FST: variants seen among roughly 807,000 people sequenced by gnomAD.
The protein encoded by FST is follistatin.
A neutral mutation model predicts 38.4 loss-of-function variants in FST; 6 were observed. The observed-to-expected ratio is 0.16, with a 90% CI of 0.09 to 0.31. The LOEUF (loss-of-function observed/expected upper bound fraction) is 0.31, where lower values mean the gene tolerates loss of function less well. FST is among the 10% of genes least tolerant of loss of function. The probability of loss-of-function intolerance (pLI) is 1.00; values close to 1 mark genes in which losing one functional copy is unlikely to be tolerated. For missense variants in FST, 301 were observed against 432.3 expected (o/e 0.70, Z 2.69); for synonymous variants, 157 against 169.8 (o/e 0.92, Z 0.59).
chr5:53,483,792 C>T lies in FST; in HGVS notation c.496+70C>T. On this transcript the variant is annotated intron_variant, in intron 3 of 5. Transcript: ENST00000256759. This position sits in a 1 kb window ranked among gnomAD's most constrained non-coding sequence, Gnocchi z 4.1. ...CAGCTTTGTACCTAAAGTAGACCCT[C>T]TAGAAGACCCTTGGGGGATGGTGTA... 1 of 1,136,374 alleles carries T rather than the reference C, an allele frequency of 8.8e-7. No homozygotes were observed. Among genetic ancestry groups the T allele is most frequent in the Non-Finnish European group, 1.3e-6 (1 of 763,424 alleles). 70.4% of individuals were successfully genotyped at this position (1,136,374 alleles called of 1,614,324 possible).
intron 1 of FST, among the ~76,000 whole-genome samples, chr5:53,482,148 G>A (rs1747257207): frequency 1.3e-5 from 2 of 152,238 alleles, no homozygotes; most frequent in African/African-American, 4.8e-5. Context: ...GCCGCGCGGG[G>A]TAGCTCCGGG....
intron 1 of FST, among the ~76,000 whole-genome samples, chr5:53,482,334 C>A (rs1747280497): frequency 6.7e-6 from 1 of 148,754 alleles, no homozygotes; most frequent in African/African-American, 2.5e-5. Flanking sequence ...CTTTCTCTTT[C>A]CTTCTCCCTC....
chr5:53,484,372 A>T, intron 4 of FST, 79 bp downstream of exon 4: 1 of 1,461,788 alleles, frequency 6.8e-7, no homozygotes, highest in Non-Finnish European at 9.3e-7. Flanking sequence ...ACTAATAAGT[A>T]AAGCCCAAGG....
At chr5:53,482,632 C>G (rs967393794) in intron 1 of FST, 20 of 419,354 alleles carry the variant, frequency 4.8e-5, no homozygotes, top group East Asian at 7.9e-5. Context: ...CTCCCTCTCT[C>G]CCTCCCTCCC....
Position 53,480,788 on chromosome 5 carries a change from C to T in FST, c.-4C>T, listed in dbSNP as rs1382013644. 5 of 1,484,668 alleles carry T rather than the reference C, an allele frequency of 3.4e-6. No individual in the cohort carries two copies. The highest frequency in any genetic ancestry group is 4.5e-6 in the Non-Finnish European group (5 of 1,109,562). The allele number at this position is 1,484,668 out of a possible 1,614,324, so 92.0% of individuals were successfully genotyped here. A position where few individuals can be genotyped will look rare whatever the true frequency, so the allele number is the denominator to read the frequency against. On this transcript the variant is annotated 5_prime_UTR_variant, in exon 1 of 6. Transcript: ENST00000256759. ...GCGCTCCTCGCCCCGCGCCTGCCCC[C>T]AGGATGGTCCGCGCGAGGCACCAGC...
chr5:53,485,751 A>G (rs1283208256), intron 5 of FST, 200 bp from the exon 6 acceptor site: 2 of 1,595,558 alleles, frequency 1.3e-6, no homozygotes, highest in East Asian at 2.2e-5. Flanking sequence ...GACTTCATAG[A>G]TTATGCTTTA....
chr5:53,484,391 A>G (rs932615774), intron 4 of FST, 98 bp downstream of exon 4: 3 of 1,252,308 alleles, frequency 2.4e-6, no homozygotes, highest in Admixed American at 2.3e-5. Flanking sequence ...GGCGTCCCCA[A>G]ACACCATAGG....
chr5:53,483,158 T>A lies in FST; in HGVS notation c.277+87T>A. On this transcript the variant is annotated intron_variant, in intron 2 of 5. Transcript: ENST00000256759. This position sits in a 1 kb window ranked among gnomAD's most constrained non-coding sequence, Gnocchi z 4.1. The stretch of plus-strand genomic sequence containing the variant: ...CCACTACCTGACTGGGGTTTGGGAG[T>A]AGGAGAGCTTTGTTCCTGGGCTTCC... 1 of 894,808 alleles carries A rather than the reference T, an allele frequency of 1.1e-6. No individual in the cohort carries two copies. The highest frequency in any genetic ancestry group is 1.8e-6 in the Non-Finnish European group (1 of 557,728). The allele number at this position is 894,808 out of a possible 1,614,324, so 55.4% of individuals were successfully genotyped here. A position where few individuals can be genotyped will look rare whatever the true frequency, so the allele number is the denominator to read the frequency against.
chr5:53,484,911 A>G (rs1310071179), intron 4 of FST, 86 bp from the exon 5 acceptor site: 2 of 686,382 alleles, frequency 2.9e-6, no homozygotes, highest in African/African-American at 3.6e-5. Context: ...AATTATGTTT[A>G]TATTTATTGA....
intron 4 of FST, 119 bp downstream of exon 4, chr5:53,484,412 C>T: frequency 9.6e-7 from 1 of 1,045,382 alleles, no homozygotes; most frequent in Non-Finnish European, 1.4e-6. Flanking sequence ...GAGAAATACG[C>T]TGCAATTTGG....
At chr5:53,484,045 T>C (rs1361902085) in intron 3 of FST, 24 bp from the exon 4 acceptor site, 1 of 1,601,648 alleles carries the variant, frequency 6.2e-7, no homozygotes, top group Non-Finnish European at 8.6e-7. Flanking sequence ...TACCTATTCA[T>C]GTGTGTTTCC....
intron 5 of FST, among the ~76,000 whole-genome samples, chr5:53,485,437 T>A (rs1178743478): frequency 1.3e-5 from 2 of 152,210 alleles, no homozygotes; most frequent in Non-Finnish European, 1.5e-5. Context: ...ATCAATGGGG[T>A]TGCCTCTAGA....
In FST at chr5:53,480,752, C is replaced by T. The variant is rs780422074; in HGVS notation, c.-40C>T. 47 of 978,878 alleles carry T rather than the reference C, an allele frequency of 4.8e-5. 2 individuals are homozygous for T. In the Middle Eastern group the frequency reaches 1.5e-3, roughly 32 times the overall value. The allele number at this position is 978,878 out of a possible 1,614,324, so 60.6% of individuals were successfully genotyped here. A position where few individuals can be genotyped will look rare whatever the true frequency, so the allele number is the denominator to read the frequency against. On this transcript the variant is annotated 5_prime_UTR_variant, in exon 1 of 6. Coordinates refer to ENST00000256759, the MANE Select transcript of FST (RefSeq NM_013409.3). ...GAGCCACCCGCCGCCGCGCCGGCTC[C>T]CCGCGCCGCTGCGCTCCTCGCCCCG...
At position 53,486,026 on chromosome 5, in the gene FST, A is replaced by G. The variant is rs951572828; in HGVS notation, c.1028A>G (p.Glu343Gly). The G allele has an allele frequency of 1.1e-5, 15 of 1,354,288 alleles. No homozygotes were observed. The highest frequency in any genetic ancestry group is 2.7e-5 in the East Asian group (1 of 36,952). The allele number at this position is 1,354,288 out of a possible 1,614,324, so 83.9% of individuals were successfully genotyped here. A position where few individuals can be genotyped will look rare whatever the true frequency, so the allele number is the denominator to read the frequency against. The change falls in exon 6 of 6, where the codon GAG becomes GGG. Residue 343 changes from glutamate (E) to glycine (G), a missense_variant. Transcript: ENST00000256759. The stretch of plus-strand genomic sequence containing the variant: ...AGCTTTCCTATATCTTCTATTCTAG[A>G]GTGGTAAACTCTCTATAAGTGTTCA... ...DYSFPISSIL[E>G]W
chr5:53,481,462 C>CAAAAA (rs70983342), intron 1 of FST, among the ~76,000 whole-genome samples: 5,628 of 47,900 alleles, frequency 0.12, 1,053 homozygotes, highest in South Asian at 0.17. Context: ...CCCATTCTCG[C>CAAAAA]AAAAAAAAAA....
At position 53,483,508 on chromosome 5, in the gene FST, G is replaced by A. The variant is rs1400918690; in HGVS notation, c.282G>A (p.Thr94=). The A allele has an allele frequency of 2.5e-6, 4 of 1,611,748 alleles. No individual in the cohort carries two copies. Among genetic ancestry groups the A allele is most frequent in the Non-Finnish European group, 3.4e-6 (4 of 1,177,984 alleles). ...GAPNCIPCKE[T]CENVDCGPGK... ...ATGCCTGTTTCTAACTCACAGAAACGTGTGAGAACGTGGACTGTGGACCTG... is the reference window on the plus strand; with the variant it reads ...ATGCCTGTTTCTAACTCACAGAAACATGTGAGAACGTGGACTGTGGACCTG... Residue 94 remains threonine (T), a synonymous_variant, in exon 3 of 6, where the codon ACG becomes ACA. Coordinates refer to ENST00000256759, the MANE Select transcript of FST (RefSeq NM_013409.3). The surrounding 1 kb of genome is among the most constrained non-coding windows in gnomAD (Gnocchi z 4.1).
chr5:53,483,055 C>G lies in FST; in HGVS notation c.261C>G (p.Asn87Lys). The change falls in exon 2 of 6, where the codon AAC (asparagine) becomes AAG (lysine). Residue 87 changes from asparagine to lysine, a missense_variant. Physicochemically the swap from Asn to Lys is moderately conservative, Grantham distance 94. Transcript: ENST00000256759. This position sits in a 1 kb window ranked among gnomAD's most constrained non-coding sequence, Gnocchi z 4.1. Reference protein sequence around the residue: ...KWMIFNGGAPNCIPCKETCEN... With the variant: ...KWMIFNGGAPKCIPCKETCEN... ...TGATTTTCAACGGGGGCGCCCCCAA[C>G]TGCATCCCCTGTAAAGGTAGGACTC... The G allele has an allele frequency of 6.2e-7, 1 of 1,612,228 alleles. No homozygotes were observed. The highest frequency in any genetic ancestry group is 8.5e-7 in the Non-Finnish European group (1 of 1,178,482).
rs3083659 is a variant in FST, at chr5:53,486,072, C to CAAAAAAAAAAAAA, written c.*48_*60dup. ...GTTCAGTGTTGACATAGCCTTTGTG[C>CAAAAAAAAAAAAA]AAAAAAAAAAAAAAAAAAAAAGAAA... On this transcript the variant is annotated 3_prime_UTR_variant, in exon 6 of 6. Transcript: ENST00000256759. 1.2e-4 allele frequency: 31 copies of CAAAAAAAAAAAAA among 266,680 alleles called. No individual in the cohort carries two copies. The highest frequency in any genetic ancestry group is 2.8e-4 in the African/African-American group (6 of 21,748). 16.5% of individuals were successfully genotyped at this position (266,680 alleles called of 1,614,324 possible).
chr5:53,485,819 C>T, intron 5 of FST, 132 bp from the exon 6 acceptor site: 4 of 1,594,830 alleles, frequency 2.5e-6, no homozygotes, highest in Non-Finnish European at 3.4e-6. Context: ...AAAAGCATCT[C>T]ACTGCAAGTC....
Sources: gnomAD v4.1 joint callset for allele counts (sites outside exome capture counted in the v4.1 genomes callset) on GRCh38, gnomAD v4.1.1 for gene constraint, Gnocchi (gnomAD v3.1) non-coding constraint, MANE v1.5 for transcripts, NCBI Gene and HGNC (gene_info 2026-07-23, HGNC 2026-07-21) for gene names.